The following SCN9A variants were observed in gnomAD, a reference collection of about 807,000 sequenced individuals.
The protein encoded by SCN9A is sodium channel protein type 9 subunit alpha.
A neutral mutation model predicts 187.0 loss-of-function variants in SCN9A; 131 were observed. The ratio of observed to expected loss-of-function variants is 0.70; its 90% CI spans 0.61 to 0.81. The LOEUF is 0.81. SCN9A is among the 30% of genes least tolerant of loss of function. The pLI is 0.00. For missense variants in SCN9A, 2,252 were observed against 2,396.6 expected, an observed-to-expected ratio of 0.94 and a Z score of 1.26; for synonymous variants, 809 against 808.6, an observed-to-expected ratio of 1.00 and a Z score of -0.01.
At chr2:166,257,493 T>C (rs1301313233) in intron 17 of SCN9A, among the ~76,000 whole-genome samples, 2 of 151,646 alleles carry the variant, frequency 1.3e-5, no homozygotes, top group African/African-American at 2.4e-5. Flanking sequence ...ATTTCTAATA[T>C]TGAAAATATA....
chr2:166,365,738 C>T (rs1183884613), intron 1 of SCN9A, among the ~76,000 whole-genome samples: 1 of 152,178 alleles, frequency 6.6e-6, no homozygotes, highest in Non-Finnish European at 1.5e-5. Flanking sequence ...TTTCAGACCA[C>T]TTTAAATAAT....
At chr2:166,307,212 A>G in intron 2 of SCN9A, 138 bp from the exon 3 acceptor site, 1 of 575,678 alleles carries the variant, frequency 1.7e-6, no homozygotes, top group Non-Finnish European at 3.2e-6. Context: ...TGTGGTTCCA[A>G]TGTCATCAAC....
intron 9 of SCN9A, among the ~76,000 whole-genome samples, chr2:166,292,623 C>T (rs943296749): frequency 4.6e-5 from 7 of 152,026 alleles, no homozygotes; most frequent in Admixed American, 1.3e-4. Flanking sequence ...GGCTTGGCTG[C>T]TGAGACTATA....
chr2:166,367,051 G>A (rs955117292), intron 1 of SCN9A, among the ~76,000 whole-genome samples: 19 of 152,084 alleles, frequency 1.2e-4, no homozygotes, highest in Non-Finnish European at 1.5e-4. Flanking sequence ...ATCAATTTGT[G>A]ATGCTCTAAA....
In SCN9A at chr2:166,306,882, C is replaced by T. The variant is rs1698776023; in HGVS notation, c.377+74G>A. ...GTCTTTCAAGGTGCAAAAGGTATAACATCTATATTTGAATAAAATAGCAAA... is the reference window on the plus strand; with the variant it reads ...GTCTTTCAAGGTGCAAAAGGTATAATATCTATATTTGAATAAAATAGCAAA... On this transcript the variant is annotated intron_variant, in intron 3 of 26. Transcript: ENST00000642356. 4 of 797,956 alleles carry T rather than the reference C, an allele frequency of 5.0e-6. No homozygotes were observed. In the Admixed American group the frequency reaches 1.0e-4, roughly 20 times the overall value. 49.4% of individuals were successfully genotyped at this position (797,956 alleles called of 1,614,324 possible). A position where few individuals can be genotyped will look rare whatever the true frequency, so the allele number is the denominator to read the frequency against.
At chr2:166,345,892 G>A (rs550218083) in intron 1 of SCN9A, among the ~76,000 whole-genome samples, 14 of 152,258 alleles carry the variant, frequency 9.2e-5, no homozygotes, top group South Asian at 2.1e-4. Context: ...GTTTAAACAT[G>A]GGCATTACAC....
chr2:166,208,503 A>G (rs887024022), intron 24 of SCN9A, among the ~76,000 whole-genome samples: 3 of 150,938 alleles, frequency 2.0e-5, no homozygotes, highest in African/African-American at 4.9e-5. Context: ...TATTGTTAAC[A>G]TTTACTCCAT....
At chr2:166,364,042 T>A (rs1449079015) in intron 1 of SCN9A, among the ~76,000 whole-genome samples, 2 of 151,918 alleles carry the variant, frequency 1.3e-5, no homozygotes, top group Non-Finnish European at 2.9e-5. Flanking sequence ...TGAAAAGACA[T>A]TTTTCCAAAG....
In SCN9A at chr2:166,342,069, T is replaced by C. The variant is rs1255601445; in HGVS notation, c.-50-30263A>G. On this transcript the variant is annotated intron_variant, in intron 1 of 26. Coordinates refer to ENST00000642356, the MANE Select transcript of SCN9A (RefSeq NM_001365536.1). ...ATAATAACTATGTGATTATTATGTA[T>C]ACTATGTTGTTCCCAAGTCTTGTCC... is the stretch of plus-strand genomic sequence containing the variant. Among the ~76,000 whole-genome samples the C allele has an allele frequency of 3.9e-5, 6 of 152,224 alleles. No homozygotes were observed. In the East Asian group the frequency reaches 7.7e-4, roughly 20 times the overall value.
chr2:166,371,640 A>T (rs1269779206), intron 1 of SCN9A, among the ~76,000 whole-genome samples: 1 of 152,166 alleles, frequency 6.6e-6, no homozygotes, highest in African/African-American at 2.4e-5. Flanking sequence ...TTTTTATACA[A>T]TTTTATAATA....
intron 1 of SCN9A, among the ~76,000 whole-genome samples, chr2:166,340,531 C>CT (rs200831251): frequency 0.033 from 4,092 of 124,610 alleles, 142 homozygotes; most frequent in East Asian, 0.059. Context: ...TCTCTCCTTT[C>CT]TTTTCTTTCC....
At chr2:166,373,265 G>T (rs1700606994) in intron 1 of SCN9A, among the ~76,000 whole-genome samples, 1 of 151,692 alleles carries the variant, frequency 6.6e-6, no homozygotes, top group South Asian at 2.1e-4. Flanking sequence ...TTGCTAATTG[G>T]TCTCTGTGTT....
chr2:166,295,605 A>T (rs2106508345), intron 7 of SCN9A, among the ~76,000 whole-genome samples: 1 of 152,318 alleles, frequency 6.6e-6, no homozygotes, highest in East Asian at 1.9e-4. Context: ...ATCTTATGAG[A>T]TCACCATTAT....
Position 166,284,761 on chromosome 2 carries a change from T to A in SCN9A, c.1666A>T (p.Ser556Cys). ...ARRSSRTSLF[S>C]FKGRGRDIGS... is the part of the protein sequence containing the mutation. ...ATATCTCTTCCTCTGCCTTTGAAACTAAAAAGACTTGTTCTGCTGCTTCGC... is the reference window on the plus strand; with the variant it reads ...ATATCTCTTCCTCTGCCTTTGAAACAAAAAAGACTTGTTCTGCTGCTTCGC... The change falls in exon 12 of 27, where the codon AGT becomes TGT. Residue 556 changes from serine (S) to cysteine (C), a missense_variant. Physicochemically the swap from Ser to Cys is moderately radical, Grantham distance 112 (BLOSUM62 -1). Coordinates refer to ENST00000642356, the MANE Select transcript of SCN9A (RefSeq NM_001365536.1). 1.2e-6 allele frequency: 2 copies of A among 1,613,774 alleles called. No individual in the cohort carries two copies. The highest frequency in any genetic ancestry group is 1.7e-6 in the Non-Finnish European group (2 of 1,179,880).
chr2:166,372,807 A>G (rs1700595748), intron 1 of SCN9A, among the ~76,000 whole-genome samples: 1 of 152,146 alleles, frequency 6.6e-6, no homozygotes. Context: ...ATTTATATAA[A>G]TATCTACGAA....
At position 166,272,748 on chromosome 2, in the gene SCN9A, T is replaced by C. The variant is rs199692186; in HGVS notation, c.3002A>G (p.Tyr1001Cys). 1,099 of 1,561,280 alleles carry C rather than the reference T, an allele frequency of 7.0e-4. No individual in the cohort carries two copies. Among genetic ancestry groups the C allele is most frequent in the Non-Finnish European group, 7.9e-4 (909 of 1,157,376 alleles). Residue 1001 changes from tyrosine (Y) to cysteine (C), a missense_variant, in exon 17 of 27, where the codon TAT becomes TGT. Coordinates refer to ENST00000642356, the MANE Select transcript of SCN9A (RefSeq NM_001365536.1). ...AVTRIKKGIN[Y>C]VKQTLREFIL... ...AAATTCACGTAAGGTTTGTTTCACA[T>C]AATTTATTCCCTTTTTAATTCTAGT...
At position 166,361,467 on chromosome 2, in the gene SCN9A, G is replaced by C. The variant is rs192674981; in HGVS notation, c.-51+14230C>G. 9.3e-4 allele frequency among the ~76,000 whole-genome samples: 142 copies of C among 152,164 alleles called. 1 individual carries two copies. The highest frequency in any genetic ancestry group is 2.9e-3 in the African/African-American group (121 of 41,532). On this transcript the variant is annotated intron_variant, in intron 1 of 26. Coordinates refer to ENST00000642356, the MANE Select transcript of SCN9A (RefSeq NM_001365536.1). ...ATATATGCCACACACAGCCATTTTA[G>C]TCCTGCCAATACAAAGTTCATTAGT... is the stretch of plus-strand genomic sequence containing the variant.
chr2:166,362,459 G>T (rs1204340679), intron 1 of SCN9A, among the ~76,000 whole-genome samples: 1 of 151,834 alleles, frequency 6.6e-6, no homozygotes, highest in Non-Finnish European at 1.5e-5. Flanking sequence ...TTTTTTAAGG[G>T]TGAATTAAAT....
intron 1 of SCN9A, among the ~76,000 whole-genome samples, chr2:166,317,128 A>T (rs927761965): frequency 7.2e-5 from 10 of 138,440 alleles, no homozygotes; most frequent in African/African-American, 2.8e-4. Context: ...GTTTAGCCCT[A>T]GTTAAGAGAT....
Sources: allele counts gnomAD v4.1 joint callset (sites outside exome capture counted in the v4.1 genomes callset), GRCh38; gene constraint gnomAD v4.1.1; transcripts MANE v1.5; gene names NCBI Gene and HGNC (gene_info 2026-07-23, HGNC 2026-07-21).